OR4N5: variants seen among roughly 807,000 people sequenced by gnomAD.
OR4N5 encodes the protein olfactory receptor family 4 subfamily N member 5.
For missense variants in OR4N5, 428 were observed against 370.0 expected (o/e 1.16, Z -1.29); for synonymous variants, 155 against 140.6 (o/e 1.10, Z -0.72).
At chr14:20,141,571 T>G (rs879554774) in intron 2 of OR4N5, among the ~76,000 whole-genome samples, 3 of 152,162 alleles carry the variant, frequency 2.0e-5, no homozygotes, top group Non-Finnish European at 4.4e-5. Flanking sequence ...ATTACCTACG[T>G]TTCCCCTGAA....
At chr14:20,142,355 T>A (rs888979151) in intron 2 of OR4N5, among the ~76,000 whole-genome samples, 10 of 152,144 alleles carry the variant, frequency 6.6e-5, no homozygotes, top group South Asian at 2.1e-4. Flanking sequence ...GGTCTCGATC[T>A]CCTGACCTTG....
rs1208884206 is a variant in OR4N5 at position 20,141,098 on chromosome 14, C to G, written c.-125C>G. The G allele has an allele frequency of 6.6e-6, 1 of 152,028 alleles. No homozygotes were observed. Among genetic ancestry groups the G allele is most frequent in the Admixed American group, 6.6e-5 (1 of 15,238 alleles). 9.4% of individuals were successfully genotyped at this position (152,028 alleles called of 1,614,324 possible). A position where few individuals can be genotyped will look rare whatever the true frequency, so the allele number is the denominator to read the frequency against. ...AGACGGAAATAGTAGAAAATAAAAG[C>G]AAAGGAAGAGTGAGAGAGGCTGAAA... is the stretch of plus-strand genomic sequence containing the variant. On this transcript the variant is annotated 5_prime_UTR_variant, in exon 2 of 3. Coordinates refer to ENST00000641086, the MANE Select transcript of OR4N5 (RefSeq NM_001004724.2).
Position 20,144,036 on chromosome 14 carries a change from CT to C in OR4N5, c.302del (p.Leu101ProfsTer17). 1 of 1,614,128 alleles carries C rather than the reference CT, an allele frequency of 6.2e-7. No homozygotes were observed. Among genetic ancestry groups the C allele is most frequent in the Non-Finnish European group, 8.5e-7 (1 of 1,179,988 alleles). On this transcript the variant is annotated frameshift_variant, in exon 3 of 3. Transcript: ENST00000641086. LOFTEE classifies it low-confidence loss of function (END_TRUNC). ...CTCCTATAGAAGCTGCATCACTCAG[CT>C]CTTTTTCTTGCATTTTCTTGGAGCG... ...VISYRSCITQ[L>X]FFLHFLGAGE...
intron 2 of OR4N5, 23 bp from the exon 3 acceptor site, chr14:20,143,702 A>T (rs1158298019): frequency 6.9e-7 from 1 of 1,457,268 alleles, no homozygotes; most frequent in Non-Finnish European, 9.4e-7. Flanking sequence ...ACAGATAACA[A>T]TTTGCCCTAT....
At chr14:20,140,496 A>G (rs1163452315) in intron 1 of OR4N5, among the ~76,000 whole-genome samples, 2 of 152,168 alleles carry the variant, frequency 1.3e-5, no homozygotes, top group East Asian at 3.8e-4. Context: ...GTGAGCTGCT[A>G]GGATGTTGAT....
At chr14:20,140,429 G>C (rs995332499) in intron 1 of OR4N5, among the ~76,000 whole-genome samples, 10 of 152,142 alleles carry the variant, frequency 6.6e-5, no homozygotes, top group African/African-American at 2.4e-4. Flanking sequence ...GAAGAGAATG[G>C]GGAAGGATGG....
At position 20,141,037 on chromosome 14, in the gene OR4N5, G is replaced by A. The variant is rs758169922; in HGVS notation, c.-186G>A. ...AAGAAAAGTGGATTAAAGATGTTGA[G>A]TAACATGGAATTTCATCTGTTAGTT... On this transcript the variant is annotated 5_prime_UTR_variant, in exon 2 of 3. Coordinates refer to ENST00000641086, the MANE Select transcript of OR4N5 (RefSeq NM_001004724.2). 11 of 152,146 alleles carry A rather than the reference G, an allele frequency of 7.2e-5. No homozygotes were observed. The highest frequency in any genetic ancestry group is 1.5e-4 in the Non-Finnish European group (10 of 68,014). The allele number at this position is 152,146 out of a possible 1,614,324, so 9.4% of individuals were successfully genotyped here. A position where few individuals can be genotyped will look rare whatever the true frequency, so the allele number is the denominator to read the frequency against.
At chr14:20,140,783 C>T (rs145385318) in intron 1 of OR4N5, 60 bp from the exon 2 acceptor site, 1 of 151,970 alleles carries the variant, frequency 6.6e-6, no homozygotes, top group Non-Finnish European at 1.5e-5. Flanking sequence ...AGATGGTGAC[C>T]ATCATTTAGG....
In OR4N5 at chr14:20,144,973, G is replaced by C. The variant is rs769286953; in HGVS notation, c.*311G>C. 13 of 206,626 alleles carry C rather than the reference G, an allele frequency of 6.3e-5. No homozygotes were observed. The highest frequency in any genetic ancestry group is 2.7e-4 in the Admixed American group (5 of 18,676). 12.8% of individuals were successfully genotyped at this position (206,626 alleles called of 1,614,324 possible). On this transcript the variant is annotated 3_prime_UTR_variant, in exon 3 of 3. Transcript: ENST00000641086. ...TGTAGCAAGCAGAAAGTGGTATTAT[G>C]CTAGAGATTAGCTGGGGAGGTGGTA...
In OR4N5 at chr14:20,144,519, T is replaced by C; in HGVS notation, c.784T>C (p.Phe262Leu). ...GPAIFIYTCP[F>L]QAFPADKVVS... Reference sequence around the variant, plus strand: ...TGCTATTTTCATCTACACTTGCCCCTTCCAGGCTTTCCCAGCTGACAAGGT... The same window carrying C: ...TGCTATTTTCATCTACACTTGCCCCCTCCAGGCTTTCCCAGCTGACAAGGT... Residue 262 changes from phenylalanine (F) to leucine (L), a missense_variant, in exon 3 of 3, where the codon TTC becomes CTC. Transcript: ENST00000641086. 6.2e-7 allele frequency: 1 copy of C among 1,614,100 alleles called. No homozygotes were observed. Among genetic ancestry groups the C allele is most frequent in the Non-Finnish European group, 8.5e-7 (1 of 1,179,962 alleles).
intron 1 of OR4N5, 140 bp downstream of exon 1, chr14:20,139,030 G>A (rs1878565691): frequency 6.6e-6 from 1 of 152,044 alleles, no homozygotes; most frequent in African/African-American, 2.4e-5. Context: ...GAGTAAGGGT[G>A]AGTTGTAAAT....
In OR4N5 at chr14:20,144,809, T is replaced by C; in HGVS notation, c.*147T>C. 1 of 608,642 alleles carries C rather than the reference T, an allele frequency of 1.6e-6. No individual in the cohort carries two copies. Among genetic ancestry groups the C allele is most frequent in the Non-Finnish European group, 2.9e-6 (1 of 347,070 alleles). The allele number at this position is 608,642 out of a possible 1,614,324, so 37.7% of individuals were successfully genotyped here. On this transcript the variant is annotated 3_prime_UTR_variant, in exon 3 of 3. Coordinates refer to ENST00000641086, the MANE Select transcript of OR4N5 (RefSeq NM_001004724.2). ...ATTTTCAGGCACTATTCCAGGCATA[T>C]GAATGAGACAGGTAAGATTCCAGGT...
At chr14:20,142,127 T>C (rs968781633) in intron 2 of OR4N5, among the ~76,000 whole-genome samples, 1 of 151,922 alleles carries the variant, frequency 6.6e-6, no homozygotes, top group Non-Finnish European at 1.5e-5. Context: ...CACAAATATA[T>C]ATATATATTT....
intron 2 of OR4N5, among the ~76,000 whole-genome samples, chr14:20,142,132 A>T (rs1018272114): frequency 1.1e-4 from 16 of 152,008 alleles, no homozygotes; most frequent in African/African-American, 3.9e-4. Flanking sequence ...ATATATATAT[A>T]TATTTTTTTT....
At position 20,143,923 on chromosome 14, in the gene OR4N5, T is replaced by C. The variant is rs1566559714; in HGVS notation, c.188T>C (p.Leu63Pro). 1 of 1,614,088 alleles carries C rather than the reference T, an allele frequency of 6.2e-7. No homozygotes were observed. Among genetic ancestry groups the C allele is most frequent in the Non-Finnish European group, 8.5e-7 (1 of 1,179,978 alleles). Reference sequence around the variant, plus strand: ...CTCACAGCCCCCCTCTATTTCTTTCTGGGCAACTTGGCCTTACTGGATGCA... The same window carrying C: ...CTCACAGCCCCCCTCTATTTCTTTCCGGGCAACTTGGCCTTACTGGATGCA... ...PGLTAPLYFF[L>P]GNLALLDASY... Residue 63 changes from leucine to proline, a missense_variant, in exon 3 of 3, where the codon CTG becomes CCG. Leu to Pro is a moderately conservative substitution (Grantham distance 98). Coordinates refer to ENST00000641086, the MANE Select transcript of OR4N5 (RefSeq NM_001004724.2).
chr14:20,140,718 C>A (rs544052755), intron 1 of OR4N5, 125 bp from the exon 2 acceptor site: 2 of 152,022 alleles, frequency 1.3e-5, no homozygotes, highest in East Asian at 3.9e-4. Flanking sequence ...CTATCTATAT[C>A]TATCTATCTA....
chr14:20,144,600 C>A lies in OR4N5; in HGVS notation c.865C>A (p.Leu289Ile). 1 of 1,613,660 alleles carries A rather than the reference C, an allele frequency of 6.2e-7. No individual in the cohort carries two copies. The highest frequency in any genetic ancestry group is 8.5e-7 in the Non-Finnish European group (1 of 1,179,814). Residue 289 changes from leucine (L) to isoleucine (I), a missense_variant, in exon 3 of 3, where the codon CTT (leucine) becomes ATT (isoleucine). Physicochemically the swap from Leu to Ile is conservative, Grantham distance 5. Transcript: ENST00000641086. ...TTTGATGAACCCTGTTATTTATACG[C>A]TTCGCAACCAGGAGGTGAAAGCTTC... Reference protein sequence around the residue: ...FPLMNPVIYTLRNQEVKASMR... With the variant: ...FPLMNPVIYTIRNQEVKASMR...
At position 20,144,492 on chromosome 14, in the gene OR4N5, C is replaced by A. The variant is rs1878694305; in HGVS notation, c.757C>A (p.Pro253Thr). ...HIIIIFLMFGPAIFIYTCPFQ... is the reference protein window; with the variant it reads ...HIIIIFLMFGTAIFIYTCPFQ... ...TATCATTATATTTCTCATGTTTGGA[C>A]CTGCTATTTTCATCTACACTTGCCC... The change falls in exon 3 of 3, where the codon CCT becomes ACT. Residue 253 changes from proline to threonine, a missense_variant. Coordinates refer to ENST00000641086, the MANE Select transcript of OR4N5 (RefSeq NM_001004724.2). The A allele has an allele frequency of 6.2e-7, 1 of 1,613,802 alleles. No individual in the cohort carries two copies. Among genetic ancestry groups the A allele is most frequent in the Non-Finnish European group, 8.5e-7 (1 of 1,179,914 alleles).
At position 20,144,310 on chromosome 14, in the gene OR4N5, C is replaced by A. The variant is rs146929855; in HGVS notation, c.575C>A (p.Thr192Asn). ...GTCATCAAGCTGGCCTGCACCAATA[C>A]CTTTGTGGTGGAGCTTCTGATGGTC... ...PQVIKLACTN[T>N]FVVELLMVSN... Residue 192 changes from threonine (T) to asparagine (N), a missense_variant, in exon 3 of 3, where the codon ACC becomes AAC. Thr to Asn is a moderately conservative substitution (Grantham distance 65). Coordinates refer to ENST00000641086, the MANE Select transcript of OR4N5 (RefSeq NM_001004724.2). 29 of 1,613,966 alleles carry A rather than the reference C, an allele frequency of 1.8e-5. No homozygotes were observed. Among genetic ancestry groups the A allele is most frequent in the Non-Finnish European group, 2.2e-5 (26 of 1,179,966 alleles).
Sources: allele counts gnomAD v4.1 joint callset (sites outside exome capture counted in the v4.1 genomes callset), GRCh38; gene constraint gnomAD v4.1.1; transcripts MANE v1.5; gene names NCBI Gene and HGNC (gene_info 2026-07-23, HGNC 2026-07-21).